PTPRD: variants seen among roughly 807,000 people sequenced by gnomAD.
The protein encoded by PTPRD is receptor-type tyrosine-protein phosphatase delta.
Under a neutral mutation model 214.5 loss-of-function variants are expected in PTPRD, and 34 were observed. The observed-to-expected ratio is 0.16, with a 90% CI of 0.12 to 0.21. The LOEUF is 0.21. PTPRD is among the 10% of genes least tolerant of loss of function. The pLI is 1.00. For synonymous variants in PTPRD, 1,128 were observed against 845.7 expected (o/e 1.33, Z -5.79); for missense variants, 2,545 against 2,398.7 (o/e 1.06, Z -1.27).
intron 3 of PTPRD, among the ~76,000 whole-genome samples, chr9:10,224,050 A>G (rs2099580619): frequency 6.6e-6 from 1 of 151,936 alleles, no homozygotes; most frequent in South Asian, 2.1e-4. Context: ...TAAAACAACA[A>G]TAAGTGACAA....
chr9:8,329,820 C>CAA (rs1353555589), intron 44 of PTPRD, among the ~76,000 whole-genome samples: 5 of 152,070 alleles, frequency 3.3e-5, no homozygotes, highest in Admixed American at 6.6e-5. Flanking sequence ...GAGGGTAAAA[C>CAA]AAACAGCCTA....
At chr9:10,314,721 G>A (rs567984890) in intron 3 of PTPRD, among the ~76,000 whole-genome samples, 8 of 151,852 alleles carry the variant, frequency 5.3e-5, no homozygotes, top group African/African-American at 9.7e-5. Context: ...CAAGCCAAGG[G>A]GGGAAACTTG....
intron 14 of PTPRD, among the ~76,000 whole-genome samples, chr9:8,549,836 C>T (rs2081468700): frequency 6.6e-6 from 1 of 152,140 alleles, no homozygotes; most frequent in Middle Eastern, 3.2e-3. Context: ...AAGAAAGATA[C>T]TATTCTTAAC....
chr9:9,006,438 T>C (rs2099467622), intron 11 of PTPRD, among the ~76,000 whole-genome samples: 1 of 152,084 alleles, frequency 6.6e-6, no homozygotes, highest in Non-Finnish European at 1.5e-5. Flanking sequence ...TCCCTTGGTA[T>C]TTACAAATTT....
intron 8 of PTPRD, among the ~76,000 whole-genome samples, chr9:9,447,289 G>C (rs1156811313): frequency 6.6e-6 from 1 of 152,054 alleles, no homozygotes; most frequent in East Asian, 1.9e-4. Context: ...TGATAGACTG[G>C]ATAAGTAAAT....
intron 9 of PTPRD, among the ~76,000 whole-genome samples, chr9:9,276,262 CCTGT>C (rs762464686): frequency 2.6e-5 from 4 of 151,302 alleles, no homozygotes; most frequent in African/African-American, 9.7e-5. Context: ...TCTGTCTTCT[CCTGT>C]CTGTTTGATT....
chr9:10,324,633 A>G (rs2096611550), intron 3 of PTPRD, among the ~76,000 whole-genome samples: 1 of 152,026 alleles, frequency 6.6e-6, no homozygotes, highest in Non-Finnish European at 1.5e-5. Context: ...CAAGATCCCT[A>G]TATTTCACCA....
intron 2 of PTPRD, among the ~76,000 whole-genome samples, chr9:10,423,297 G>A (rs1314727750): frequency 1.3e-5 from 2 of 151,902 alleles, no homozygotes; most frequent in East Asian, 2.0e-4. Context: ...ACACTCTGGG[G>A]TCTGTCATGG....
At position 9,789,167 on chromosome 9, in the gene PTPRD, T is replaced by C. The variant is rs143953015; in HGVS notation, c.-367-22316A>G. Among the ~76,000 whole-genome samples, 385 of 152,352 alleles carry C rather than the reference T, an allele frequency of 2.5e-3. 3 individuals carry two copies. Among genetic ancestry groups the C allele is most frequent in the African/African-American group, 8.9e-3 (368 of 41,580 alleles). The stretch of plus-strand genomic sequence containing the variant: ...GAGTTGATATTTATATTTGTATGCC[T>C]ATATATTTTTCTAAATAGGAATTAC... On this transcript the variant is annotated intron_variant, in intron 5 of 45. Transcript: ENST00000381196.
chr9:9,310,600 T>C (rs527542277), intron 9 of PTPRD, among the ~76,000 whole-genome samples: 1 of 152,234 alleles, frequency 6.6e-6, no homozygotes, highest in South Asian at 2.1e-4. Flanking sequence ...ATGCCTACTA[T>C]ATGTAAAGCA....
At chr9:8,997,540 G>A (rs1455048008) in intron 11 of PTPRD, among the ~76,000 whole-genome samples, 1 of 151,968 alleles carries the variant, frequency 6.6e-6, no homozygotes, top group Non-Finnish European at 1.5e-5. Context: ...CGTTCTGAAT[G>A]CTCCACCAAC....
chr9:8,525,314 C>T (rs2073811281), intron 17 of PTPRD: 2 of 494,940 alleles, frequency 4.0e-6, no homozygotes, highest in Admixed American at 3.0e-5. Context: ...ATTTCCTAGA[C>T]TAATAAAATG....
At chr9:9,069,748 A>T (rs777579884) in intron 10 of PTPRD, among the ~76,000 whole-genome samples, 5 of 152,228 alleles carry the variant, frequency 3.3e-5, no homozygotes, top group Admixed American at 6.5e-5. Flanking sequence ...TGAAGGAAAC[A>T]TGTATACCTC....
intron 4 of PTPRD, among the ~76,000 whole-genome samples, chr9:9,967,489 G>C (rs1318693448): frequency 6.6e-6 from 1 of 152,096 alleles, no homozygotes; most frequent in Non-Finnish European, 1.5e-5. Flanking sequence ...CATTTATTGA[G>C]AAACAATTAT....
chr9:9,626,121 T>C (rs896799985), intron 7 of PTPRD, among the ~76,000 whole-genome samples: 79 of 152,340 alleles, frequency 5.2e-4, no homozygotes, highest in African/African-American at 1.9e-3. Context: ...ACGTGTGGTC[T>C]AGAATTAAAA....
intron 7 of PTPRD, among the ~76,000 whole-genome samples, chr9:9,715,501 C>CA (rs987230879): frequency 6.6e-6 from 1 of 151,592 alleles, no homozygotes; most frequent in Non-Finnish European, 1.5e-5. Flanking sequence ...TTTTCTACAA[C>CA]AAAAAAAATT....
intron 8 of PTPRD, among the ~76,000 whole-genome samples, chr9:9,514,757 A>G (rs1015817458): frequency 1.3e-5 from 2 of 151,974 alleles, no homozygotes; most frequent in Non-Finnish European, 2.9e-5. Context: ...TTTTCTGAGG[A>G]CTGTTCCTCC....
intron 6 of PTPRD, among the ~76,000 whole-genome samples, chr9:9,738,858 C>T (rs1391441378): frequency 6.6e-6 from 1 of 152,042 alleles, no homozygotes; most frequent in Non-Finnish European, 1.5e-5. Context: ...GTCTTTCACT[C>T]TATGGTATTA....
intron 10 of PTPRD, among the ~76,000 whole-genome samples, chr9:9,019,882 C>G (rs973764702): frequency 6.6e-6 from 1 of 151,672 alleles, no homozygotes; most frequent in Non-Finnish European, 1.5e-5. Context: ...AACTTGTTCA[C>G]TTTTTTTTTC....
Sources: allele counts gnomAD v4.1 joint callset (sites outside exome capture counted in the v4.1 genomes callset), GRCh38; gene constraint gnomAD v4.1.1; transcripts MANE v1.5; gene names NCBI Gene and HGNC (gene_info 2026-07-23, HGNC 2026-07-21).